The following SUCLG2 variants were observed in gnomAD, a reference collection of about 807,000 sequenced individuals.
SUCLG2 encodes the protein succinate--CoA ligase [GDP-forming] subunit beta, mitochondrial.
In SUCLG2, 42 loss-of-function variants were observed where a neutral mutation model predicts 47.9. The ratio of observed to expected loss-of-function variants is 0.88; its 90% CI spans 0.69 to 1.14. The LOEUF (loss-of-function observed/expected upper bound fraction) is 1.14. SUCLG2 is among the 50% of genes most tolerant of loss of function. SUCLG2 has a pLI of 0.00. For missense variants in SUCLG2, 571 were observed against 525.9 expected (o/e 1.09, Z -0.84); for synonymous variants, 195 against 197.3 (o/e 0.99, Z 0.10).
intron 2 of SUCLG2, among the ~76,000 whole-genome samples, chr3:67,562,158 G>A (rs1407257102): frequency 1.3e-5 from 2 of 152,170 alleles, no homozygotes; most frequent in African/African-American, 2.4e-5. Flanking sequence ...GTAGAGTCCA[G>A]TAGAGCACAA....
intron 1 of SUCLG2, among the ~76,000 whole-genome samples, chr3:67,619,198 G>C (rs1700686820): frequency 6.6e-6 from 1 of 152,178 alleles, no homozygotes; most frequent in African/African-American, 2.4e-5. Context: ...TCAAATACTA[G>C]TGAACATTTC....
chr3:67,570,003 G>A (rs1046637694), intron 2 of SUCLG2, among the ~76,000 whole-genome samples: 2 of 152,140 alleles, frequency 1.3e-5, no homozygotes, highest in South Asian at 2.1e-4. Context: ...TTAAAGAGGA[G>A]ATTAATTTAA....
Position 67,514,899 on chromosome 3 carries a change from T to C in SUCLG2, c.660+3348A>G, listed in dbSNP as rs150216094. On this transcript the variant is annotated intron_variant, in intron 6 of 10. Coordinates refer to ENST00000307227, the MANE Select transcript of SUCLG2 (RefSeq NM_003848.4). Reference sequence around the variant, plus strand: ...GTGAAAAACCTTCAGCTATCCAGGATCCCTGACCATTGACATCATCTGTTC... The same window carrying C: ...GTGAAAAACCTTCAGCTATCCAGGACCCCTGACCATTGACATCATCTGTTC... Among the ~76,000 whole-genome samples, 9 of 152,294 alleles carry C rather than the reference T, an allele frequency of 5.9e-5. No individual in the cohort carries two copies. In the East Asian group the frequency reaches 1.7e-3, roughly 29 times the overall value.
At chr3:67,570,538 G>A (rs544457513) in intron 2 of SUCLG2, among the ~76,000 whole-genome samples, 145 of 152,302 alleles carry the variant, frequency 9.5e-4, no homozygotes, top group African/African-American at 3.4e-3. Context: ...GTTAGGGGCT[G>A]GGCATGACAG....
chr3:67,568,613 CGCGGT>C (rs1707529370), intron 2 of SUCLG2, among the ~76,000 whole-genome samples: 1 of 152,156 alleles, frequency 6.6e-6, no homozygotes. Flanking sequence ...GTGAGCCGGG[CGCGGT>C]GGCTCACGCC....
chr3:67,381,291 G>C (rs1258257186), intron 10 of SUCLG2, among the ~76,000 whole-genome samples: 1 of 152,168 alleles, frequency 6.6e-6, no homozygotes, highest in Non-Finnish European at 1.5e-5. Context: ...ATTAGAGGAA[G>C]CCTTGGAAAT....
At chr3:67,419,368 G>A (rs1169386768) in intron 9 of SUCLG2, among the ~76,000 whole-genome samples, 3 of 152,128 alleles carry the variant, frequency 2.0e-5, no homozygotes, top group Non-Finnish European at 4.4e-5. Context: ...TATTCATTAG[G>A]AAGGTACATA....
intron 2 of SUCLG2, among the ~76,000 whole-genome samples, chr3:67,566,177 G>A (rs1394395652): frequency 6.6e-6 from 1 of 152,128 alleles, no homozygotes; most frequent in African/African-American, 2.4e-5. Flanking sequence ...CTGATTTTCC[G>A]AATACGGTGA....
At chr3:67,497,996 G>C (rs1705393076) in intron 8 of SUCLG2, 138 bp downstream of exon 8, 1 of 857,424 alleles carries the variant, frequency 1.2e-6, no homozygotes, top group Non-Finnish European at 1.8e-6. Flanking sequence ...GAAGAAACTT[G>C]GATACTTTCC....
At chr3:67,558,025 T>G (rs142388468) in intron 2 of SUCLG2, among the ~76,000 whole-genome samples, 2 of 152,202 alleles carry the variant, frequency 1.3e-5, no homozygotes, top group Admixed American at 1.3e-4. Context: ...ACTGAAACGT[T>G]TGCTGCACCA....
At chr3:67,448,129 G>A (rs1215111818) in intron 9 of SUCLG2, among the ~76,000 whole-genome samples, 2 of 152,052 alleles carry the variant, frequency 1.3e-5, no homozygotes, top group Non-Finnish European at 1.5e-5. Context: ...AAGTTCATAA[G>A]GATATATAGA....
chr3:67,426,811 C>T (rs1316479729), intron 9 of SUCLG2, among the ~76,000 whole-genome samples: 1 of 151,906 alleles, frequency 6.6e-6, no homozygotes, highest in Admixed American at 6.6e-5. Context: ...GCCTGTAGTC[C>T]CAACTACCTG....
intron 9 of SUCLG2, among the ~76,000 whole-genome samples, chr3:67,462,177 C>T (rs964650652): frequency 1.3e-5 from 2 of 152,120 alleles, no homozygotes; most frequent in Admixed American, 1.3e-4. Context: ...CTCTCTCTCT[C>T]TCTCTGAAAT....
At position 67,628,138 on chromosome 3, in the gene SUCLG2, T is replaced by C. The variant is rs147330973; in HGVS notation, c.85-18542A>G. On this transcript the variant is annotated intron_variant, in intron 1 of 10. Coordinates refer to ENST00000307227, the MANE Select transcript of SUCLG2 (RefSeq NM_003848.4). ...ATAAAAGCAGGAATAGGAAGACATA[T>C]ATAAATACATAGAAATTTAGTAAAT... Among the ~76,000 whole-genome samples the C allele has an allele frequency of 2.2e-3, 337 of 152,330 alleles. 2 individuals are homozygous for C. Among genetic ancestry groups the C allele is most frequent in the African/African-American group, 7.6e-3 (315 of 41,562 alleles).
rs114809780 is a variant in SUCLG2 at position 67,603,045 on chromosome 3, A to C, written c.226+6410T>G. On this transcript the variant is annotated intron_variant, in intron 2 of 10. Coordinates refer to ENST00000307227, the MANE Select transcript of SUCLG2 (RefSeq NM_003848.4). ...GTGAGGACACCACTGTTATTCCTAG[A>C]AAGCAGATACCGCTTCAACCTCTCA... Among the ~76,000 whole-genome samples the C allele has an allele frequency of 5.8e-3, 887 of 152,320 alleles. 11 individuals carry two copies. The highest frequency in any genetic ancestry group is 0.02 in the African/African-American group (848 of 41,568).
intron 2 of SUCLG2, 126 bp from the exon 3 acceptor site, chr3:67,529,312 T>C (rs1205745721): frequency 1.5e-6 from 1 of 664,088 alleles, no homozygotes. Context: ...AAACTAACTT[T>C]GAAAATAAAT....
intron 4 of SUCLG2, 129 bp downstream of exon 4, chr3:67,528,003 G>T: frequency 1.3e-6 from 1 of 749,162 alleles, no homozygotes; most frequent in Non-Finnish European, 2.2e-6. Context: ...GATTAGATGA[G>T]CTTTAAAAAA....
intron 9 of SUCLG2, among the ~76,000 whole-genome samples, chr3:67,419,419 T>C (rs557131982): frequency 7.2e-5 from 11 of 152,254 alleles, no homozygotes; most frequent in Admixed American, 5.2e-4. Context: ...GAATGTCTAA[T>C]TGTCTGACTC....
intron 1 of SUCLG2, among the ~76,000 whole-genome samples, chr3:67,635,171 G>A (rs886635182): frequency 1.3e-5 from 2 of 152,158 alleles, no homozygotes; most frequent in Admixed American, 1.3e-4. Flanking sequence ...AATACATGAC[G>A]AAAATCTTCA....
Sources: gnomAD v4.1 joint callset for allele counts (sites outside exome capture counted in the v4.1 genomes callset) on GRCh38, gnomAD v4.1.1 for gene constraint, MANE v1.5 for transcripts, NCBI Gene and HGNC (gene_info 2026-07-23, HGNC 2026-07-21) for gene names.